SGPP2: variants seen among roughly 807,000 people sequenced by gnomAD.
SGPP2 encodes the protein sphingosine 1-phosphate phosphohydrolase 2.
SGPP2 carries 30 observed loss-of-function variants against 33.9 expected under a neutral mutation model. The ratio of observed to expected loss-of-function variants is 0.89; its 90% CI spans 0.66 to 1.20. SGPP2 has a LOEUF of 1.20. SGPP2 is among the 50% of genes most tolerant of loss of function. SGPP2 has a pLI of 0.00. For synonymous variants in SGPP2, 233 were observed against 225.0 expected (o/e 1.04, Z -0.32); for missense variants, 458 against 532.1 (o/e 0.86, Z 1.37).
In SGPP2 at chr2:222,477,507, G is replaced by GTA. The variant is rs1295486567; in HGVS notation, c.378+2789_378+2790dup. The stretch of plus-strand genomic sequence containing the variant: ...TATAGGTGTGTATATATGTTTATGT[G>GTA]TATATATATGTCTGTGTATATATGT... On this transcript the variant is annotated intron_variant, in intron 2 of 4. Coordinates refer to ENST00000321276, the MANE Select transcript of SGPP2 (RefSeq NM_152386.4). This position sits in a 1 kb window ranked among gnomAD's most constrained non-coding sequence, Gnocchi z 6.0. 2.0e-5 allele frequency among the ~76,000 whole-genome samples: 3 copies of GTA among 151,794 alleles called. No individual in the cohort carries two copies. The highest frequency in any genetic ancestry group is 2.9e-5 in the Non-Finnish European group (2 of 67,910).
chr2:222,451,140 G>GA (rs5838950), intron 1 of SGPP2, among the ~76,000 whole-genome samples: 177 of 131,136 alleles, frequency 1.3e-3, no homozygotes, highest in African/African-American at 2.9e-3. Context: ...TACAAAAAGA[G>GA]AAAAAAAAAA....
At chr2:222,433,179 A>G (rs569185972) in intron 1 of SGPP2, among the ~76,000 whole-genome samples, 1 of 152,306 alleles carries the variant, frequency 6.6e-6, no homozygotes, top group African/African-American at 2.4e-5. Context: ...AGACTTGAGT[A>G]TGGCAGATTC....
rs190047899 is a variant in SGPP2, at chr2:222,529,484, G to A, written c.648+4451G>A. ...CAAGTAGCTGGGACTACAGGCATGC[G>A]CTGCCACACCCAGCTAATTTTTGTA... On this transcript the variant is annotated intron_variant, in intron 4 of 4. Coordinates refer to ENST00000321276, the MANE Select transcript of SGPP2 (RefSeq NM_152386.4). Among the ~76,000 whole-genome samples, 55 of 152,206 alleles carry A rather than the reference G, an allele frequency of 3.6e-4. No homozygotes were observed. In the East Asian group the frequency reaches 9.1e-3, roughly 25 times the overall value.
intron 1 of SGPP2, among the ~76,000 whole-genome samples, chr2:222,468,227 A>C (rs1697780964): frequency 6.6e-6 from 1 of 151,980 alleles, no homozygotes; most frequent in Non-Finnish European, 1.5e-5. Flanking sequence ...CGGTTGTGGC[A>C]GGGCGGGGAG....
chr2:222,479,756 G>A (rs1223893710), intron 2 of SGPP2, among the ~76,000 whole-genome samples: 2 of 152,096 alleles, frequency 1.3e-5, no homozygotes, highest in Admixed American at 1.3e-4. Context: ...ATTGGAACGC[G>A]AAGCTTGTGG....
intron 2 of SGPP2, among the ~76,000 whole-genome samples, chr2:222,491,858 A>T (rs1441482602): frequency 6.6e-6 from 1 of 152,142 alleles, no homozygotes; most frequent in African/African-American, 2.4e-5. Flanking sequence ...TAAAATCAAA[A>T]ACAAGTCAGT....
In SGPP2 at chr2:222,558,666, T is replaced by C. The variant is rs762723620; in HGVS notation, c.968T>C (p.Leu323Ser). Residue 323 changes from leucine (L) to serine (S), a missense_variant, in exon 5 of 5, where the codon TTG becomes TCG. Coordinates refer to ENST00000321276, the MANE Select transcript of SGPP2 (RefSeq NM_152386.4). ...CCACTCACCACCTACATGTTAGTTTTGGGTCTGACCAAATTTGCAGTGGGA... is the reference window on the plus strand; with the variant it reads ...CCACTCACCACCTACATGTTAGTTTCGGGTCTGACCAAATTTGCAGTGGGA... ...IPPLTTYMLV[L>S]GLTKFAVGIV... 4.5e-5 allele frequency: 73 copies of C among 1,614,210 alleles called. No individual in the cohort carries two copies. The highest frequency in any genetic ancestry group is 1.6e-4 in the East Asian group (7 of 44,888).
At chr2:222,453,962 G>T (rs2106078357) in intron 1 of SGPP2, among the ~76,000 whole-genome samples, 1 of 152,302 alleles carries the variant, frequency 6.6e-6, no homozygotes, top group African/African-American at 2.4e-5. Flanking sequence ...GTAAAGCAAG[G>T]ATTGAAACCC....
chr2:222,560,939 C>T lies in SGPP2; in HGVS notation c.*2041C>T, dbSNP rs1000119015. ...TGGCTAACACGGTACCCCGTCTCTA[C>T]TGAAAATACAAAAAAATTAGCCGGA... On this transcript the variant is annotated 3_prime_UTR_variant, in exon 5 of 5. Coordinates refer to ENST00000321276, the MANE Select transcript of SGPP2 (RefSeq NM_152386.4). 6.6e-6 allele frequency: 1 copy of T among 152,074 alleles called. No homozygotes were observed. The highest frequency in any genetic ancestry group is 1.5e-5 in the Non-Finnish European group (1 of 68,052). 9.4% of individuals were successfully genotyped at this position (152,074 alleles called of 1,614,324 possible).
intron 2 of SGPP2, among the ~76,000 whole-genome samples, chr2:222,508,986 T>C (rs1252443532): frequency 6.6e-6 from 1 of 152,224 alleles, no homozygotes; most frequent in Admixed American, 6.5e-5. Context: ...TATGAGTGGC[T>C]ATTCACCAGT....
chr2:222,427,532 C>T (rs150768808), intron 1 of SGPP2, among the ~76,000 whole-genome samples: 1 of 152,000 alleles, frequency 6.6e-6, no homozygotes, highest in African/African-American at 2.4e-5. Context: ...TCTGCCTCAG[C>T]CTTGCAAAGT....
At chr2:222,501,102 G>A (rs750146148) in intron 2 of SGPP2, among the ~76,000 whole-genome samples, 2 of 152,144 alleles carry the variant, frequency 1.3e-5, no homozygotes, top group African/African-American at 4.8e-5. Flanking sequence ...CCTGTGACCC[G>A]TGGGCTTTCT....
At chr2:222,537,003 G>A (rs563686935) in intron 4 of SGPP2, among the ~76,000 whole-genome samples, 2 of 152,172 alleles carry the variant, frequency 1.3e-5, no homozygotes, top group African/African-American at 4.8e-5. Flanking sequence ...TCTTCAAAAG[G>A]CAAATGAACT....
chr2:222,541,986 C>T lies in SGPP2; in HGVS notation c.649-16361C>T, dbSNP rs113686309. Among the ~76,000 whole-genome samples, 1,206 of 152,280 alleles carry T rather than the reference C, an allele frequency of 7.9e-3. 6 individuals carry two copies. The highest frequency in any genetic ancestry group is 0.011 in the Non-Finnish European group (765 of 68,026). On this transcript the variant is annotated intron_variant, in intron 4 of 4. Transcript: ENST00000321276. ...GTAAACAAATTGTAAATGTGCAGCT[C>T]GGTTAATTTCCAATAAAGTAAACAC...
chr2:222,470,213 C>T (rs1473850820), intron 1 of SGPP2, among the ~76,000 whole-genome samples: 1 of 152,162 alleles, frequency 6.6e-6, no homozygotes, highest in Non-Finnish European at 1.5e-5. Flanking sequence ...AGCAAACCAC[C>T]ATGGCACACG....
Position 222,424,720 on chromosome 2 carries a change from G to A in SGPP2, c.118G>A (p.Glu40Lys). 1 of 1,440,130 alleles carries A rather than the reference G, an allele frequency of 6.9e-7. No homozygotes were observed. The highest frequency in any genetic ancestry group is 9.1e-7 in the Non-Finnish European group (1 of 1,098,516). 89.2% of individuals were successfully genotyped at this position (1,440,130 alleles called of 1,614,324 possible). ...CCGGGAGAACGGCGCGGACCCCACG[G>A]AGCGCGCGGCGCGGGTCCCCGGGGT... ...GPRENGADPTERAARVPGVEH... is the reference protein window; with the variant it reads ...GPRENGADPTKRAARVPGVEH... The change falls in exon 1 of 5, where the codon GAG becomes AAG. Residue 40 changes from glutamate to lysine, a missense_variant. Transcript: ENST00000321276.
At chr2:222,557,174 C>T (rs928858130) in intron 4 of SGPP2, among the ~76,000 whole-genome samples, 45 of 152,152 alleles carry the variant, frequency 3.0e-4, no homozygotes, top group African/African-American at 1.1e-3. Context: ...CAAGATCCCT[C>T]ACTGGCCTCT....
intron 4 of SGPP2, among the ~76,000 whole-genome samples, chr2:222,546,263 T>C (rs1349714317): frequency 6.6e-6 from 1 of 152,246 alleles, no homozygotes; most frequent in African/African-American, 2.4e-5. Flanking sequence ...ACCATAATCC[T>C]GAGCACTCAC....
intron 1 of SGPP2, among the ~76,000 whole-genome samples, chr2:222,449,719 C>T (rs1697455227): frequency 6.6e-6 from 1 of 152,114 alleles, no homozygotes; most frequent in African/African-American, 2.4e-5. Flanking sequence ...ACACTGCTGC[C>T]AAGCTGATTT....
Sources: gnomAD v4.1 joint callset for allele counts (sites outside exome capture counted in the v4.1 genomes callset) on GRCh38, gnomAD v4.1.1 for gene constraint, Gnocchi (gnomAD v3.1) non-coding constraint, MANE v1.5 for transcripts, NCBI Gene and HGNC (gene_info 2026-07-23, HGNC 2026-07-21) for gene names.